The following ESRRG variants were observed in gnomAD, a reference collection of about 807,000 sequenced individuals.
ESRRG encodes estrogen-related receptor gamma.
Under a neutral mutation model 44.0 loss-of-function variants are expected in ESRRG, and 13 were observed. The ratio of observed to expected loss-of-function variants is 0.30; its 90% CI spans 0.19 to 0.47. ESRRG has a LOEUF of 0.47. ESRRG is among the 20% of genes least tolerant of loss of function. The probability of loss-of-function intolerance (pLI) is 1.00; values close to 1 mark genes in which losing one functional copy is unlikely to be tolerated. For synonymous variants in ESRRG, 215 were observed against 214.6 expected (o/e 1.00, Z -0.02); for missense variants, 395 against 580.6 (o/e 0.68, Z 3.29).
At chr1:216,565,545 A>C (rs1011947783) in intron 4 of ESRRG, among the ~76,000 whole-genome samples, 4 of 152,168 alleles carry the variant, frequency 2.6e-5, no homozygotes, top group African/African-American at 7.2e-5. Flanking sequence ...AGAGTTAAAT[A>C]TAGCATTCAT....
chr1:216,817,141 T>C (rs1307506523), intron 2 of ESRRG, among the ~76,000 whole-genome samples: 1 of 151,954 alleles, frequency 6.6e-6, no homozygotes, highest in Non-Finnish European at 1.5e-5. Flanking sequence ...AAACTTACCC[T>C]AAACACACAT....
chr1:216,857,388 T>G (rs1378433488), intron 2 of ESRRG, among the ~76,000 whole-genome samples: 1 of 151,818 alleles, frequency 6.6e-6, no homozygotes, highest in Non-Finnish European at 1.5e-5. Flanking sequence ...AAAAAAACTT[T>G]AAAAAATACG....
chr1:217,006,336 C>A (rs1159125375), intron 1 of ESRRG, among the ~76,000 whole-genome samples: 1 of 152,020 alleles, frequency 6.6e-6, no homozygotes. Flanking sequence ...TCAACATATA[C>A]AACTTTAATT....
chr1:216,859,429 T>A lies in ESRRG; in HGVS notation c.-14+80153A>T, dbSNP rs536934601. 1.2e-4 allele frequency among the ~76,000 whole-genome samples: 18 copies of A among 152,302 alleles called. No homozygotes were observed. In the South Asian group the frequency reaches 3.7e-3, roughly 32 times the overall value. On this transcript the variant is annotated intron_variant, in intron 2 of 7. Coordinates refer to the ESRRG transcript ENST00000359162. Reference sequence around the variant, plus strand: ...GTGTAGAATAGAGTACTAGAGAAGATGTTGCTGCAAAGATAGAGAACTCCA... The same window carrying A: ...GTGTAGAATAGAGTACTAGAGAAGAAGTTGCTGCAAAGATAGAGAACTCCA...
intron 1 of ESRRG, among the ~76,000 whole-genome samples, chr1:216,703,679 GTGTGTATGTT>G (rs370949182): frequency 0.11 from 16,671 of 147,498 alleles, 1,054 homozygotes; most frequent in Middle Eastern, 0.18. Context: ...GTGTGTGTGT[GTGTGTATGTT>G]TGTGTGTGTA....
At chr1:216,976,106 G>T (rs1297304338) in intron 1 of ESRRG, among the ~76,000 whole-genome samples, 1 of 152,038 alleles carries the variant, frequency 6.6e-6, no homozygotes, top group Non-Finnish European at 1.5e-5. Flanking sequence ...TCTTGGAAAG[G>T]TGTATCTAAC....
chr1:216,522,139 G>GTGTGTGTGTA (rs908571324), intron 5 of ESRRG, among the ~76,000 whole-genome samples: 1 of 151,020 alleles, frequency 6.6e-6, no homozygotes, highest in Admixed American at 6.6e-5. Context: ...ATTGATGGTT[G>GTGTGTGTGTA]TGTGTGTGTA....
At chr1:217,018,706 G>T (rs947198675) in intron 1 of ESRRG, among the ~76,000 whole-genome samples, 1 of 152,008 alleles carries the variant, frequency 6.6e-6, no homozygotes, top group Non-Finnish European at 1.5e-5. Context: ...TCCCCAATTA[G>T]GTCTGCCAGG....
chr1:216,639,387 G>T (rs972934908), intron 3 of ESRRG, among the ~76,000 whole-genome samples: 1 of 152,126 alleles, frequency 6.6e-6, no homozygotes, highest in Non-Finnish European at 1.5e-5. Flanking sequence ...ACAATCCAGG[G>T]AGAAGCCACT....
chr1:216,564,504 A>G (rs1402602991), intron 4 of ESRRG, 124 bp from the exon 5 acceptor site: 3 of 690,708 alleles, frequency 4.3e-6, no homozygotes, highest in Non-Finnish European at 4.6e-6. Context: ...AAATATTCCA[A>G]TTATGGCTCA....
intron 2 of ESRRG, among the ~76,000 whole-genome samples, chr1:216,810,574 T>C (rs1432816894): frequency 1.4e-5 from 2 of 147,660 alleles, no homozygotes; most frequent in Admixed American, 6.8e-5. Flanking sequence ...ATATATTATA[T>C]ATATTATAAA....
intron 3 of ESRRG, among the ~76,000 whole-genome samples, chr1:216,581,492 T>G (rs2062755369): frequency 6.6e-6 from 1 of 152,188 alleles, no homozygotes; most frequent in African/African-American, 2.4e-5. Context: ...TCTGTGAGAA[T>G]TATTCATTTG....
In ESRRG at chr1:216,779,164, AATAT is replaced by A. The variant is rs1180632185; in HGVS notation, c.-13-101677_-13-101674del. On this transcript the variant is annotated intron_variant, in intron 2 of 7. Coordinates refer to the ESRRG transcript ENST00000359162. ...TATATATTTATATATATATAAAATA[AATAT>A]ATATATAATTATATAAATATATATT... Among the ~76,000 whole-genome samples the A allele has an allele frequency of 1.3e-4, 10 of 79,522 alleles. No homozygotes were observed. In the East Asian group the frequency reaches 2.4e-3, roughly 19 times the overall value. 52.2% of individuals were successfully genotyped at this position (79,522 alleles called of 152,430 possible).
At chr1:217,035,689 A>C (rs1158795911) in intron 1 of ESRRG, among the ~76,000 whole-genome samples, 1 of 152,026 alleles carries the variant, frequency 6.6e-6, no homozygotes, top group African/African-American at 2.4e-5. Context: ...TGAAAAAAAA[A>C]AAAAAATCAG....
chr1:217,124,158 A>T (rs974335087), intron 1 of ESRRG, among the ~76,000 whole-genome samples: 1 of 152,162 alleles, frequency 6.6e-6, no homozygotes, highest in Admixed American at 6.5e-5. Flanking sequence ...ATTGCATTTA[A>T]CTCCTCTTTG....
intron 3 of ESRRG, among the ~76,000 whole-genome samples, chr1:216,593,320 T>C (rs2057972494): frequency 1.3e-5 from 2 of 152,102 alleles, no homozygotes; most frequent in African/African-American, 2.4e-5. Context: ...AAATCAATTA[T>C]ACTTGTTGGT....
At chr1:216,724,312 A>G (rs995675222), upstream of ESRRG, among the ~76,000 whole-genome samples, 6 of 152,018 alleles carry the variant, frequency 3.9e-5, no homozygotes, top group African/African-American at 1.4e-4. Flanking sequence ...CTGTGGGGGT[A>G]AATAGCGAAT....
intron 1 of ESRRG, among the ~76,000 whole-genome samples, chr1:217,058,801 G>A (rs996024268): frequency 1.3e-5 from 2 of 151,430 alleles, no homozygotes; most frequent in African/African-American, 2.4e-5. Flanking sequence ...TAATGCAGAA[G>A]AGGCTAAATA....
At chr1:217,118,770 T>A (rs2092773816) in intron 1 of ESRRG, among the ~76,000 whole-genome samples, 1 of 151,886 alleles carries the variant, frequency 6.6e-6, no homozygotes, top group African/African-American at 2.4e-5. Flanking sequence ...GGCCGGAGGA[T>A]CACTTGAGGC....
Sources: allele counts gnomAD v4.1 joint callset (sites outside exome capture counted in the v4.1 genomes callset), GRCh38; gene constraint gnomAD v4.1.1; transcripts MANE v1.5; gene names NCBI Gene and HGNC (gene_info 2026-07-23, HGNC 2026-07-21).